NCK2: variants seen among roughly 807,000 people sequenced by gnomAD.
NCK2 encodes the protein NCK adaptor protein 2.
Under a neutral mutation model 33.9 loss-of-function variants are expected in NCK2, and 16 were observed. That is an observed-to-expected ratio of 0.47 (90% confidence interval 0.32 to 0.72). NCK2 has a LOEUF of 0.72. NCK2 is among the 30% of genes least tolerant of loss of function. The pLI is 0.03. For missense variants in NCK2, 418 were observed against 537.3 expected (o/e 0.78, Z 2.19); for synonymous variants, 273 against 239.9 (o/e 1.14, Z -1.27).
chr2:105,822,233 G>A (rs184311031), intron 2 of NCK2, among the ~76,000 whole-genome samples: 25 of 152,190 alleles, frequency 1.6e-4, no homozygotes, highest in South Asian at 1.2e-3. Context: ...TTGAGAAGGG[G>A]GCACCAGCTG....
At chr2:105,858,047 G>GT (rs373529013) in intron 3 of NCK2, among the ~76,000 whole-genome samples, 8,189 of 128,566 alleles carry the variant, frequency 0.064, 234 homozygotes, top group South Asian at 0.11. Context: ...GTTTTTTGGG[G>GT]TTTTTTTTTT....
intron 2 of NCK2, among the ~76,000 whole-genome samples, chr2:105,840,544 G>T (rs1425188419): frequency 1.3e-5 from 2 of 152,172 alleles, no homozygotes; most frequent in Non-Finnish European, 2.9e-5. Flanking sequence ...TGACACTGTT[G>T]ACCTGGAGAC....
intron 1 of NCK2, among the ~76,000 whole-genome samples, chr2:105,771,919 C>T (rs1690146845): frequency 6.6e-6 from 1 of 152,186 alleles, no homozygotes; most frequent in Admixed American, 6.5e-5. Flanking sequence ...GACTGACTTC[C>T]TCCCTCCCAG....
At chr2:105,825,489 G>C (rs150834184) in intron 2 of NCK2, among the ~76,000 whole-genome samples, 1 of 152,232 alleles carries the variant, frequency 6.6e-6, no homozygotes, top group Non-Finnish European at 1.5e-5. Context: ...GGGCACTGCA[G>C]CGCTTTGGAA....
At chr2:105,796,784 G>A (rs1170054055) in intron 1 of NCK2, among the ~76,000 whole-genome samples, 8 of 151,976 alleles carry the variant, frequency 5.3e-5, no homozygotes, top group Admixed American at 6.6e-5. Flanking sequence ...TCTCTTTGAC[G>A]CAGGTAAATG....
chr2:105,888,755 TCTAGGGTGAG>T (rs1258210452), intron 4 of NCK2, among the ~76,000 whole-genome samples: 1 of 152,126 alleles, frequency 6.6e-6, no homozygotes, highest in Non-Finnish European at 1.5e-5. Context: ...GGTCACTTGA[TCTAGGGTGAG>T]CCAGCTGTCA....
intron 2 of NCK2, among the ~76,000 whole-genome samples, chr2:105,833,475 T>C (rs1406396880): frequency 6.6e-6 from 1 of 152,220 alleles, no homozygotes; most frequent in South Asian, 2.1e-4. Flanking sequence ...TTCTAAGTTA[T>C]TGGTGTATCA....
At chr2:105,857,343 C>T (rs888101303) in intron 3 of NCK2, among the ~76,000 whole-genome samples, 20 of 152,264 alleles carry the variant, frequency 1.3e-4, no homozygotes, top group African/African-American at 3.9e-4. Context: ...GGCCCGCGCC[C>T]GTCCCCGACA....
At chr2:105,787,864 G>A (rs1205768117) in intron 1 of NCK2, among the ~76,000 whole-genome samples, 1 of 152,202 alleles carries the variant, frequency 6.6e-6, no homozygotes, top group Non-Finnish European at 1.5e-5. Flanking sequence ...CATGTTATAA[G>A]ATGATCTCAT....
intron 1 of NCK2, among the ~76,000 whole-genome samples, chr2:105,811,714 G>A (rs908983405): frequency 1.6e-4 from 25 of 152,162 alleles, no homozygotes; most frequent in Non-Finnish European, 2.5e-4. Flanking sequence ...GCAGGCGGGT[G>A]CGGGTCTCCT....
intron 2 of NCK2, among the ~76,000 whole-genome samples, chr2:105,836,001 A>G (rs541653255): frequency 6.7e-6 from 1 of 150,374 alleles, no homozygotes; most frequent in Non-Finnish European, 1.5e-5. Flanking sequence ...GAATTTCTCC[A>G]TGAATTCTCA....
intron 2 of NCK2, among the ~76,000 whole-genome samples, chr2:105,834,503 A>AT (rs200229213): frequency 2.7e-5 from 4 of 148,730 alleles, no homozygotes; most frequent in African/African-American, 5.0e-5. Context: ...TCTGTGGAAG[A>AT]TTTTTTTTTC....
intron 1 of NCK2, among the ~76,000 whole-genome samples, chr2:105,784,272 A>C (rs966503174): frequency 6.6e-6 from 1 of 152,110 alleles, no homozygotes; most frequent in African/African-American, 2.4e-5. Flanking sequence ...CCCGGCTGTT[A>C]TTTCTAATAG....
chr2:105,840,425 C>G (rs187225244), intron 2 of NCK2, among the ~76,000 whole-genome samples: 1 of 152,322 alleles, frequency 6.6e-6, no homozygotes, highest in East Asian at 1.9e-4. Flanking sequence ...CTACTCTACT[C>G]TCACAACACA....
At chr2:105,861,336 C>T (rs1301848903) in intron 3 of NCK2, among the ~76,000 whole-genome samples, 3 of 152,110 alleles carry the variant, frequency 2.0e-5, no homozygotes, top group Non-Finnish European at 2.9e-5. Flanking sequence ...TGTATACAGA[C>T]GTCACATGTC....
At chr2:105,775,754 CTCCCGGTGTGGT>C (rs1037811907) in intron 1 of NCK2, among the ~76,000 whole-genome samples, 1 of 152,072 alleles carries the variant, frequency 6.6e-6, no homozygotes, top group Admixed American at 6.5e-5. Flanking sequence ...AGCACCACAC[CTCCCGGTGTGGT>C]GAGCTTGGGA....
Position 105,839,317 on chromosome 2 carries a change from C to G in NCK2, c.-16-15731C>G, listed in dbSNP as rs2104546015. ...AATACCTTTAGTTTTTAAAGTTCCC[C>G]AAAGCGAGTGCCAGGAGGGTAGAAC... On this transcript the variant is annotated intron_variant, in intron 2 of 4. Transcript: ENST00000233154. 1.3e-5 allele frequency among the ~76,000 whole-genome samples: 2 copies of G among 152,238 alleles called. 1 individual carries two copies. Among genetic ancestry groups the G allele is most frequent in the African/African-American group, 4.8e-5 (2 of 41,532 alleles).
chr2:105,853,894 G>C (rs913442200), intron 2 of NCK2: 1 of 152,212 alleles, frequency 6.6e-6, no homozygotes, highest in Non-Finnish European at 1.5e-5. Context: ...AGGGTGATCA[G>C]CTGTCACCTG....
chr2:105,855,319 C>T, intron 3 of NCK2, 30 bp downstream of exon 3: 3 of 1,518,352 alleles, frequency 2.0e-6, no homozygotes, highest in Non-Finnish European at 1.8e-6. Flanking sequence ...GAGAGGAAGC[C>T]TTGTGCATTT....
Sources: gnomAD v4.1 joint callset for allele counts (sites outside exome capture counted in the v4.1 genomes callset) on GRCh38, gnomAD v4.1.1 for gene constraint, MANE v1.5 for transcripts, NCBI Gene and HGNC (gene_info 2026-07-23, HGNC 2026-07-21) for gene names.